Variants in ZNF536 observed in about 807,000 individuals in gnomAD.
ZNF536 encodes the protein zinc finger protein 536.
Under a neutral mutation model 84.5 loss-of-function variants are expected in ZNF536, and 13 were observed. The observed-to-expected ratio is 0.15, with a 90% CI of 0.10 to 0.24. The LOEUF (loss-of-function observed/expected upper bound fraction) is 0.24. ZNF536 is among the 10% of genes least tolerant of loss of function. The pLI is 1.00. For missense variants in ZNF536, 1,536 were observed against 1,747.5 expected, an observed-to-expected ratio of 0.88 and a Z score of 2.16; for synonymous variants, 811 against 742.5, an observed-to-expected ratio of 1.09 and a Z score of -1.50.
chr19:30,608,397 G>A (rs770516042), intron 1 of ZNF536, among the ~76,000 whole-genome samples: 1 of 152,098 alleles, frequency 6.6e-6, no homozygotes, highest in South Asian at 2.1e-4. Flanking sequence ...ATGGGCATCT[G>A]CAGATGTGAG....
intron 4 of ZNF536, among the ~76,000 whole-genome samples, chr19:30,552,856 G>GCACA (rs2045833686): frequency 6.6e-6 from 1 of 152,202 alleles, no homozygotes; most frequent in Non-Finnish European, 1.5e-5. Flanking sequence ...ACAGAGGACA[G>GCACA]CACACGGCCT....
At chr19:30,514,086 C>T (rs935429296) in intron 2 of ZNF536, among the ~76,000 whole-genome samples, 9 of 152,132 alleles carry the variant, frequency 5.9e-5, no homozygotes, top group Non-Finnish European at 1.2e-4. Flanking sequence ...GTCCTTGACC[C>T]GTGGCAGGCT....
intron 2 of ZNF536, among the ~76,000 whole-genome samples, chr19:30,286,629 C>T (rs2145724822): frequency 6.6e-6 from 1 of 151,892 alleles, no homozygotes; most frequent in East Asian, 1.9e-4. Context: ...AGAGAGAAAT[C>T]CTTGTTTTTG....
intron 1 of ZNF536, among the ~76,000 whole-genome samples, chr19:30,689,374 G>A (rs76329354): frequency 0.019 from 2,925 of 152,318 alleles, 84 homozygotes; most frequent in African/African-American, 0.066. Flanking sequence ...AAACATGTCC[G>A]TCTGTGAGGG....
At chr19:30,443,179 A>T (rs1042710369) in intron 1 of ZNF536, among the ~76,000 whole-genome samples, 1 of 152,056 alleles carries the variant, frequency 6.6e-6, no homozygotes, top group African/African-American at 2.4e-5. Context: ...TTCTGCTCTC[A>T]GGCAAACTTT....
chr19:30,392,869 AT>A (rs1236984710), intron 1 of ZNF536, among the ~76,000 whole-genome samples: 1 of 152,126 alleles, frequency 6.6e-6, no homozygotes, highest in Non-Finnish European at 1.5e-5. Flanking sequence ...CGCTCATTTA[AT>A]TTTTTAAATT....
intron 2 of ZNF536, among the ~76,000 whole-genome samples, chr19:30,305,735 A>G (rs2046323313): frequency 6.6e-6 from 1 of 152,002 alleles, no homozygotes; most frequent in African/African-American, 2.4e-5. Flanking sequence ...CACCTGAAGG[A>G]CTCTTCTAGG....
chr19:30,431,105 T>C (rs572544894), intron 1 of ZNF536, among the ~76,000 whole-genome samples: 28 of 152,310 alleles, frequency 1.8e-4, no homozygotes, highest in Non-Finnish European at 3.5e-4. Context: ...GTCCCTGGAA[T>C]CCATCTATGG....
rs184193709 is a variant in ZNF536 at position 30,393,570 on chromosome 19, G to A, written c.-3+21014G>A. ...TTAAGGAGAGGTGTCTGGAGCTCAC[G>A]GAGCCTCTGGTCCTAGGCTAGGGGC... On this transcript the variant is annotated intron_variant, in intron 1 of 4. Transcript: ENST00000355537. Among the ~76,000 whole-genome samples the A allele has an allele frequency of 2.0e-5, 3 of 152,274 alleles. No individual in the cohort carries two copies. The East Asian group carries it at 5.8e-4, about 29-fold the overall frequency.
At chr19:30,262,392 C>T (rs183378514) in intron 1 of ZNF536, among the ~76,000 whole-genome samples, 33 of 152,326 alleles carry the variant, frequency 2.2e-4, no homozygotes, top group African/African-American at 7.0e-4. Flanking sequence ...GGCTGATGCA[C>T]GGGTCAAAGC....
At chr19:30,596,982 C>T (rs1568587292) in intron 1 of ZNF536, among the ~76,000 whole-genome samples, 1 of 152,260 alleles carries the variant, frequency 6.6e-6, no homozygotes. Flanking sequence ...TTTTGCAATG[C>T]TAATAGCGAA....
At chr19:30,639,026 C>T (rs987082866) in intron 1 of ZNF536, among the ~76,000 whole-genome samples, 2 of 152,176 alleles carry the variant, frequency 1.3e-5, no homozygotes, top group Non-Finnish European at 2.9e-5. Flanking sequence ...ATTCTAAAGT[C>T]TGTAACTCTA....
chr19:30,308,373 T>C (rs2046403405), intron 2 of ZNF536, among the ~76,000 whole-genome samples: 2 of 152,142 alleles, frequency 1.3e-5, no homozygotes, highest in African/African-American at 4.8e-5. Flanking sequence ...ATGTGAACCA[T>C]GATTTTCTTG....
intron 2 of ZNF536, among the ~76,000 whole-genome samples, chr19:30,449,788 G>A (rs756605329): frequency 6.6e-6 from 1 of 152,194 alleles, no homozygotes; most frequent in African/African-American, 2.4e-5. Flanking sequence ...AAAGCCTTGC[G>A]AGGTCTTCTT....
At chr19:30,618,789 T>C (rs1405687526) in intron 1 of ZNF536, among the ~76,000 whole-genome samples, 1 of 152,162 alleles carries the variant, frequency 6.6e-6, no homozygotes, top group African/African-American at 2.4e-5. Context: ...ATGGAATCCA[T>C]AGGATTCTTT....
upstream of ZNF536, among the ~76,000 whole-genome samples, chr19:30,368,975 C>T (rs1568364371): frequency 6.6e-6 from 1 of 152,174 alleles, no homozygotes; most frequent in South Asian, 2.1e-4. Context: ...CTATAATTAG[C>T]ATCTGAAATT....
intron 2 of ZNF536, among the ~76,000 whole-genome samples, chr19:30,337,790 A>G (rs1354078026): frequency 6.6e-6 from 1 of 152,248 alleles, no homozygotes; most frequent in Non-Finnish European, 1.5e-5. Context: ...AGCGAATAGC[A>G]GAAATGAAAT....
intron 1 of ZNF536, among the ~76,000 whole-genome samples, chr19:30,599,471 C>CTTCCTTCCTTCCTTCCTTCT (rs745360597): frequency 4.0e-4 from 19 of 47,348 alleles, no homozygotes; most frequent in Non-Finnish European, 3.6e-5. Context: ...TCCCTCCCTC[C>CTTCCTTCCTTCCTTCCTTCT]TTCCTTCCTT....
intron 1 of ZNF536, among the ~76,000 whole-genome samples, chr19:30,233,669 A>G (rs1568510414): frequency 6.6e-6 from 1 of 152,142 alleles, no homozygotes; most frequent in African/African-American, 2.4e-5. Context: ...AGTATTTGCT[A>G]TGTGTAAGGC....
Sources: gnomAD v4.1 joint callset for allele counts (sites outside exome capture counted in the v4.1 genomes callset) on GRCh38, gnomAD v4.1.1 for gene constraint, MANE v1.5 for transcripts, NCBI Gene and HGNC (gene_info 2026-07-23, HGNC 2026-07-21) for gene names.